The following CDH12 variants were observed in gnomAD, a reference collection of about 807,000 sequenced individuals.
CDH12 encodes cadherin 12, also known as cadherin-12.
CDH12 carries 41 observed loss-of-function variants against 74.1 expected under a neutral mutation model. That is an observed-to-expected ratio of 0.55 (90% CI 0.43 to 0.72). CDH12 has a LOEUF of 0.72. Ranked by LOEUF, CDH12 falls within the 30% of genes least tolerant of loss-of-function variation. The pLI, the probability that CDH12 is intolerant of heterozygous loss-of-function variation, is 0.00. For missense variants in CDH12, 945 were observed against 977.2 expected (o/e 0.97, Z 0.44); for synonymous variants, 399 against 355.0 (o/e 1.12, Z -1.39).
At chr5:22,469,720 T>C (rs1463078402) in intron 2 of CDH12, among the ~76,000 whole-genome samples, 1 of 152,154 alleles carries the variant, frequency 6.6e-6, no homozygotes, top group Admixed American at 6.5e-5. Context: ...GTGTATATTC[T>C]CCTGTCATAT....
chr5:22,270,424 T>A (rs1736341468), intron 3 of CDH12, among the ~76,000 whole-genome samples: 1 of 151,642 alleles, frequency 6.6e-6, no homozygotes, highest in African/African-American at 2.4e-5. Context: ...TGAAACCCCA[T>A]CTCTACTAAA....
intron 6 of CDH12, among the ~76,000 whole-genome samples, chr5:21,930,185 T>C (rs1047161536): frequency 5.9e-5 from 9 of 152,148 alleles, no homozygotes; most frequent in Admixed American, 2.6e-4. Context: ...TGAAAGTGAT[T>C]AGTGCTTATG....
chr5:22,360,090 C>A (rs1403457439), intron 3 of CDH12, among the ~76,000 whole-genome samples: 1 of 151,998 alleles, frequency 6.6e-6, no homozygotes, highest in African/African-American at 2.4e-5. Flanking sequence ...CAGAGCAGAA[C>A]TGAAGGAGAT....
At chr5:22,386,102 G>A (rs868230208) in intron 3 of CDH12, among the ~76,000 whole-genome samples, 1 of 152,192 alleles carries the variant, frequency 6.6e-6, no homozygotes, top group South Asian at 2.1e-4. Context: ...ATGTTGGTGA[G>A]ACTGGTCTCA....
intron 5 of CDH12, among the ~76,000 whole-genome samples, chr5:21,983,591 G>A (rs991733972): frequency 5.3e-5 from 8 of 151,984 alleles, no homozygotes; most frequent in South Asian, 2.1e-4. Context: ...TTCTCAATTC[G>A]AAAACTATTT....
intron 5 of CDH12, among the ~76,000 whole-genome samples, chr5:22,030,245 C>T (rs1738722688): frequency 6.6e-6 from 1 of 151,310 alleles, no homozygotes; most frequent in Admixed American, 6.6e-5. Context: ...ACACATGTAC[C>T]CCAAAACTTA....
rs61616737 is a variant in CDH12 at position 22,836,223 on chromosome 5, C to CTTTTTTTTTTTTTTTTTTTT, written c.-523+16834_-523+16835insAAAAAAAAAAAAAAAAAAAA. Among the ~76,000 whole-genome samples the CTTTTTTTTTTTTTTTTTTTT allele has an allele frequency of 2.9e-3, 187 of 65,502 alleles. 24 individuals carry two copies. The highest frequency in any genetic ancestry group is 0.023 in the Middle Eastern group (1 of 44). The allele number at this position is 65,502 out of a possible 152,430, so 43.0% of individuals were successfully genotyped here. A position where few individuals can be genotyped will look rare whatever the true frequency, so the allele number is the denominator to read the frequency against. On this transcript the variant is annotated intron_variant, in intron 1 of 14. Coordinates refer to ENST00000382254, the MANE Select transcript of CDH12 (RefSeq NM_004061.5). ...TTTTTTTCTTTTTTTCTTTCTTTCT[C>CTTTTTTTTTTTTTTTTTTTT]TTTTTTTTTTTTTTTTTTGAGACAG...
chr5:22,353,183 A>T (rs892688951), intron 3 of CDH12, among the ~76,000 whole-genome samples: 4 of 152,226 alleles, frequency 2.6e-5, no homozygotes, highest in African/African-American at 9.6e-5. Flanking sequence ...TATGATGCCC[A>T]TTCTAGAAAA....
chr5:21,869,576 G>C lies in CDH12; in HGVS notation c.527-14786C>G, dbSNP rs376364051. Among the ~76,000 whole-genome samples, 5 of 151,850 alleles carry C rather than the reference G, an allele frequency of 3.3e-5. 1 individual carries two copies. The highest frequency in any genetic ancestry group is 3.3e-4 in the Admixed American group (5 of 15,248). ...TTCATCATCAAATATAAAATATATT[G>C]ATTTTATATTAGTCTTTAAGTATTG... is the stretch of plus-strand genomic sequence containing the variant. On this transcript the variant is annotated intron_variant, in intron 6 of 14. Coordinates refer to ENST00000382254, the MANE Select transcript of CDH12 (RefSeq NM_004061.5).
intron 2 of CDH12, among the ~76,000 whole-genome samples, chr5:22,450,233 A>T (rs1744989749): frequency 6.6e-6 from 1 of 151,998 alleles, no homozygotes. Context: ...AGTGACCTTC[A>T]GAGTTAGTGG....
At chr5:21,834,848 A>C (rs923345404) in intron 8 of CDH12, among the ~76,000 whole-genome samples, 1 of 152,006 alleles carries the variant, frequency 6.6e-6, no homozygotes, top group Non-Finnish European at 1.5e-5. Context: ...GAATAAGCTG[A>C]AGTAGTTATC....
At chr5:22,754,082 G>A (rs1410092186) in intron 1 of CDH12, among the ~76,000 whole-genome samples, 1 of 152,128 alleles carries the variant, frequency 6.6e-6, no homozygotes, top group Non-Finnish European at 1.5e-5. Context: ...CAAAAGCACT[G>A]AAAGGGACTT....
At chr5:22,128,496 ACTT>A (rs772070619) in intron 4 of CDH12, among the ~76,000 whole-genome samples, 4 of 152,120 alleles carry the variant, frequency 2.6e-5, no homozygotes, top group South Asian at 2.1e-4. Flanking sequence ...CACTTAAAAC[ACTT>A]CTTCTATTTC....
chr5:21,930,473 C>T (rs1754783184), intron 6 of CDH12, among the ~76,000 whole-genome samples: 1 of 152,102 alleles, frequency 6.6e-6, no homozygotes, highest in Non-Finnish European at 1.5e-5. Context: ...TCCCATCATG[C>T]CTTTTGGTTA....
At chr5:22,299,850 G>C (rs1737791670) in intron 3 of CDH12, among the ~76,000 whole-genome samples, 1 of 152,104 alleles carries the variant, frequency 6.6e-6, no homozygotes, top group Non-Finnish European at 1.5e-5. Context: ...TGATAAAAGA[G>C]AGTATAGTAA....
intron 4 of CDH12, among the ~76,000 whole-genome samples, chr5:22,131,778 A>ATTT (rs1746192596): frequency 6.6e-6 from 1 of 152,094 alleles, no homozygotes; most frequent in South Asian, 2.1e-4. Context: ...CTCCCTCTCA[A>ATTT]TTTACAGAAA....
intron 10 of CDH12, among the ~76,000 whole-genome samples, chr5:21,799,346 A>G (rs991655369): frequency 6.6e-6 from 1 of 152,188 alleles, no homozygotes; most frequent in Non-Finnish European, 1.5e-5. Flanking sequence ...AAATAAAAGA[A>G]ATGAAATAAA....
intron 5 of CDH12, among the ~76,000 whole-genome samples, chr5:21,995,423 T>C (rs931654427): frequency 4.8e-4 from 73 of 151,916 alleles, no homozygotes; most frequent in African/African-American, 1.7e-3. Context: ...ATTCAAATAA[T>C]GGAAGTTAAT....
chr5:22,051,810 A>G (rs1740389599), intron 5 of CDH12, among the ~76,000 whole-genome samples: 1 of 152,054 alleles, frequency 6.6e-6, no homozygotes, highest in Non-Finnish European at 1.5e-5. Context: ...ATTGAGAAAA[A>G]AAGAAAAAGA....
Sources: gnomAD v4.1 joint callset for allele counts (sites outside exome capture counted in the v4.1 genomes callset) on GRCh38, gnomAD v4.1.1 for gene constraint, MANE v1.5 for transcripts, NCBI Gene and HGNC (gene_info 2026-07-23, HGNC 2026-07-21) for gene names.